Variants in VAV3 observed in about 807,000 individuals in gnomAD.
VAV3 encodes the protein vav guanine nucleotide exchange factor 3, also known as guanine nucleotide exchange factor VAV3.
In VAV3, 94 loss-of-function variants were observed where a neutral mutation model predicts 131.2. The ratio of observed to expected loss-of-function variants is 0.72; its 90% CI spans 0.61 to 0.85. The LOEUF (loss-of-function observed/expected upper bound fraction) is 0.85, where lower values mean the gene tolerates loss of function less well. VAV3 is among the 40% of genes least tolerant of loss of function. VAV3 has a pLI of 0.00. For missense variants in VAV3, 939 were observed against 1,002.7 expected, an observed-to-expected ratio of 0.94 and a Z score of 0.86; for synonymous variants, 349 against 342.0, an observed-to-expected ratio of 1.02 and a Z score of -0.22.
intron 15 of VAV3, among the ~76,000 whole-genome samples, chr1:107,723,878 G>A (rs1386552075): frequency 6.6e-6 from 1 of 152,106 alleles, no homozygotes; most frequent in Non-Finnish European, 1.5e-5. Context: ...CACATAAAGT[G>A]TCCTGTACTA....
chr1:107,857,029 A>ACG (rs1669505351), intron 2 of VAV3, among the ~76,000 whole-genome samples: 1 of 150,028 alleles, frequency 6.7e-6, no homozygotes, highest in Admixed American at 6.6e-5. Flanking sequence ...ACATGGTGTG[A>ACG]TGGTTAATAC....
chr1:107,795,446 A>T (rs1666490496), intron 2 of VAV3, among the ~76,000 whole-genome samples: 1 of 152,142 alleles, frequency 6.6e-6, no homozygotes, highest in South Asian at 2.1e-4. Flanking sequence ...GGTATTTGTG[A>T]TCTAATTGTA....
chr1:107,905,412 T>C (rs1672055743), intron 1 of VAV3, among the ~76,000 whole-genome samples: 2 of 152,206 alleles, frequency 1.3e-5, no homozygotes, highest in African/African-American at 4.8e-5. Flanking sequence ...CTTGTATATC[T>C]GACCAAATTG....
rs369403950 is a variant in VAV3, at chr1:107,650,965, G to A, written c.1778-8210C>T. 4.6e-5 allele frequency among the ~76,000 whole-genome samples: 7 copies of A among 152,118 alleles called. No individual in the cohort carries two copies. In the East Asian group the frequency reaches 7.8e-4, roughly 17 times the overall value. ...TGGAATACTATGCAGCCATAAAAAT[G>A]ATGAGTTCATGTCCTTTGTAGGGAC... On this transcript the variant is annotated intron_variant, in intron 19 of 26. Coordinates refer to ENST00000370056, the MANE Select transcript of VAV3 (RefSeq NM_006113.5).
chr1:107,895,399 T>C (rs927606677), intron 1 of VAV3, among the ~76,000 whole-genome samples: 1 of 152,220 alleles, frequency 6.6e-6, no homozygotes, highest in Non-Finnish European at 1.5e-5. Context: ...AAAATAATAA[T>C]TAGTAGAACT....
intron 21 of VAV3, among the ~76,000 whole-genome samples, chr1:107,616,479 T>A (rs931501665): frequency 2.6e-5 from 4 of 152,076 alleles, no homozygotes; most frequent in Non-Finnish European, 5.9e-5. Context: ...ACACTACCTA[T>A]CAGGTACTAT....
chr1:107,699,421 T>C (rs112731348), intron 17 of VAV3, among the ~76,000 whole-genome samples: 18 of 152,342 alleles, frequency 1.2e-4, no homozygotes, highest in African/African-American at 4.3e-4. Context: ...CGTTGCAGGG[T>C]ACAGCCCCCC....
intron 1 of VAV3, among the ~76,000 whole-genome samples, chr1:107,924,797 A>G: frequency 6.6e-6 from 1 of 152,234 alleles, no homozygotes; most frequent in East Asian, 1.9e-4. Context: ...CCCTTGGCAT[A>G]TTAAATATTA....
intron 6 of VAV3, 87 bp downstream of exon 6, chr1:107,770,549 T>C (rs1022254395): frequency 5.6e-6 from 5 of 887,556 alleles, no homozygotes; most frequent in South Asian, 4.4e-5. Flanking sequence ...ATAATACACA[T>C]ACACACCTTC....
intron 15 of VAV3, among the ~76,000 whole-genome samples, chr1:107,714,885 T>C (rs1478571250): frequency 6.6e-6 from 1 of 152,208 alleles, no homozygotes; most frequent in Non-Finnish European, 1.5e-5. Context: ...ATCTACTATA[T>C]ATTACACTTC....
At position 107,862,279 on chromosome 1, in the gene VAV3, G is replaced by A. The variant is rs1557887819; in HGVS notation, c.321+12622C>T. The stretch of plus-strand genomic sequence containing the variant: ...TTGTTTGGTGCTCATACCACTACTG[G>A]TGCACACTTCCTCTGCCTAATCCTG... On this transcript the variant is annotated intron_variant, in intron 2 of 26. Coordinates refer to ENST00000370056, the MANE Select transcript of VAV3 (RefSeq NM_006113.5). 1.3e-5 allele frequency among the ~76,000 whole-genome samples: 2 copies of A among 151,396 alleles called. 1 individual carries two copies. Among genetic ancestry groups the A allele is most frequent in the Non-Finnish European group, 2.9e-5 (2 of 67,816 alleles).
chr1:107,605,641 C>T (rs1652204837), intron 22 of VAV3, among the ~76,000 whole-genome samples: 1 of 152,180 alleles, frequency 6.6e-6, no homozygotes, highest in African/African-American at 2.4e-5. Context: ...TGAGAGTCAG[C>T]ATGTTTCCAC....
At chr1:107,792,765 A>T (rs924276324) in intron 2 of VAV3, among the ~76,000 whole-genome samples, 9 of 152,304 alleles carry the variant, frequency 5.9e-5, no homozygotes, top group African/African-American at 2.2e-4. Context: ...TTTTTGTACT[A>T]TCAAATTGAA....
intron 1 of VAV3, among the ~76,000 whole-genome samples, chr1:107,885,481 C>A (rs1221074259): frequency 1.3e-5 from 2 of 151,740 alleles, no homozygotes; most frequent in Non-Finnish European, 2.9e-5. Flanking sequence ...TTTTAATTCC[C>A]CAGGAGTAAA....
At chr1:107,765,252 C>T in intron 8 of VAV3, 77 bp from the exon 9 acceptor site, 1 of 1,145,286 alleles carries the variant, frequency 8.7e-7, no homozygotes, top group Non-Finnish European at 1.3e-6. Context: ...GCAGAATCTT[C>T]ATCTCTTTAA....
intron 21 of VAV3, among the ~76,000 whole-genome samples, chr1:107,616,702 A>G (rs1653179432): frequency 6.6e-6 from 1 of 152,190 alleles, no homozygotes; most frequent in African/African-American, 2.4e-5. Context: ...AAATTATCCT[A>G]TAGGGCACAT....
At chr1:107,614,064 T>C (rs549366509) in intron 21 of VAV3, among the ~76,000 whole-genome samples, 7 of 152,172 alleles carry the variant, frequency 4.6e-5, no homozygotes, top group African/African-American at 1.7e-4. Flanking sequence ...TTCTTTCCAA[T>C]CCTGAACCAA....
intron 17 of VAV3, among the ~76,000 whole-genome samples, chr1:107,704,038 G>T (rs931182343): frequency 1.3e-5 from 2 of 152,098 alleles, no homozygotes; most frequent in East Asian, 1.9e-4. Context: ...AAACCCAAAA[G>T]ATATATGCTC....
intron 19 of VAV3, among the ~76,000 whole-genome samples, chr1:107,661,593 G>C (rs780494942): frequency 3.3e-5 from 5 of 152,140 alleles, no homozygotes; most frequent in Non-Finnish European, 5.9e-5. Flanking sequence ...TTTATCCAAA[G>C]TATAGTGTTT....
Sources: gnomAD v4.1 joint callset for allele counts (sites outside exome capture counted in the v4.1 genomes callset) on GRCh38, gnomAD v4.1.1 for gene constraint, MANE v1.5 for transcripts, NCBI Gene and HGNC (gene_info 2026-07-23, HGNC 2026-07-21) for gene names.